The following KIFC3 variants were observed in gnomAD, a reference collection of about 807,000 sequenced individuals.
KIFC3 encodes the protein kinesin family member C3, also known as kinesin-like protein KIFC3.
A neutral mutation model predicts 101.8 loss-of-function variants in KIFC3; 60 were observed. The ratio of observed to expected loss-of-function variants is 0.59; its 90% confidence interval spans 0.48 to 0.73. KIFC3 has a LOEUF of 0.73. KIFC3 is among the 30% of genes least tolerant of loss of function. The pLI, the probability that KIFC3 is intolerant of heterozygous loss-of-function variation, is 0.00. For missense variants in KIFC3, 966 were observed against 1,137.1 expected (o/e 0.85, Z 2.16); for synonymous variants, 476 against 482.7 (o/e 0.99, Z 0.18).
At position 57,758,911 on chromosome 16, in the gene KIFC3, T is replaced by C. The variant is rs1295206874; in HGVS notation, c.*25-2A>G. On this transcript the variant is annotated splice_acceptor_variant, in intron 19 of 19. Transcript: ENST00000445690. LOFTEE classifies it low-confidence loss of function (3UTR_SPLICE). The stretch of plus-strand genomic sequence containing the variant: ...ACACAGGCAGTGGCCGCGACTTCCC[T>C]GCAGGGGCATGAGATCATCAGCCTC... The C allele has an allele frequency of 3.2e-6, 5 of 1,573,196 alleles. No individual in the cohort carries two copies. The African/African-American group carries it at 6.8e-5, about 21-fold the overall frequency.
chr16:57,817,214 C>T (rs542070183), intron 1 of KIFC3, among the ~76,000 whole-genome samples: 1 of 152,056 alleles, frequency 6.6e-6, no homozygotes, highest in Admixed American at 6.6e-5. Flanking sequence ...CAGAAATTAG[C>T]CGGGCATGGT....
At chr16:57,764,741 G>T (rs1304859635) in intron 11 of KIFC3, among the ~76,000 whole-genome samples, 2 of 152,192 alleles carry the variant, frequency 1.3e-5, no homozygotes, top group Admixed American at 1.3e-4. Context: ...TCCTAGGAAG[G>T]CCCAGGGGAC....
At chr16:57,846,469 A>C (rs558017302) in intron 1 of KIFC3, 14 of 152,500 alleles carry the variant, frequency 9.2e-5, no homozygotes, top group African/African-American at 3.4e-4. Context: ...GGCTTGCGGC[A>C]GACACTGGAA....
At chr16:57,773,368 G>A (rs192927920) in intron 3 of KIFC3, among the ~76,000 whole-genome samples, 5 of 152,270 alleles carry the variant, frequency 3.3e-5, no homozygotes, top group African/African-American at 4.8e-5. Flanking sequence ...TTAAGAAGGC[G>A]GCCACCACGT....
chr16:57,763,204 A>T (rs1555599569), intron 12 of KIFC3, among the ~76,000 whole-genome samples: 1 of 152,126 alleles, frequency 6.6e-6, no homozygotes, highest in African/African-American at 2.4e-5. Context: ...GCCTGGCACG[A>T]TGCCTGATAC....
Position 57,761,023 on chromosome 16 carries a change from G to C in KIFC3, c.2002+19C>G, listed in dbSNP as rs373027784. ...TGGGGTTGTGGGGATCCTCAGGCCA[G>C]GCTGCCTGCCACTCTCACCCGTGGT... On this transcript the variant is annotated intron_variant, in intron 15 of 19. Transcript: ENST00000445690. 1.2e-6 allele frequency: 2 copies of C among 1,603,966 alleles called. No individual in the cohort carries two copies. The highest frequency in any genetic ancestry group is 2.2e-5 in the South Asian group (2 of 90,864).
At chr16:57,768,904 C>T (rs898135659) in intron 9 of KIFC3, among the ~76,000 whole-genome samples, 1 of 152,170 alleles carries the variant, frequency 6.6e-6, no homozygotes, top group Non-Finnish European at 1.5e-5. Context: ...TGGTGGCTCA[C>T]ACCAATAATC....
At chr16:57,843,740 A>G (rs911543614) in intron 1 of KIFC3, among the ~76,000 whole-genome samples, 2 of 152,208 alleles carry the variant, frequency 1.3e-5, no homozygotes, top group Non-Finnish European at 2.9e-5. Flanking sequence ...AAAATACTGG[A>G]AATACCTAAA....
intron 1 of KIFC3, among the ~76,000 whole-genome samples, chr16:57,840,917 G>A (rs950958226): frequency 6.6e-6 from 1 of 152,188 alleles, no homozygotes; most frequent in Non-Finnish European, 1.5e-5. Flanking sequence ...CTCACCAGCA[G>A]ATACTAGGCT....
chr16:57,761,550 T>C lies in KIFC3; in HGVS notation c.1749-14A>G, dbSNP rs782556266. On this transcript the variant is annotated splice_polypyrimidine_tract_variant and intron_variant, in intron 13 of 19. Coordinates refer to ENST00000445690, the MANE Select transcript of KIFC3 (RefSeq NM_001130100.2). ...CCTAGCAGGTCCCTGGAGGGGCAGG[T>C]GAGACAGTCACCCCCTCCTCCCATT... 3.1e-5 allele frequency: 50 copies of C among 1,610,424 alleles called. 1 individual carries two copies. In the South Asian group the frequency reaches 4.9e-4, roughly 16 times the overall value.
chr16:57,809,123 C>T (rs1262961012), intron 1 of KIFC3, among the ~76,000 whole-genome samples: 1 of 152,118 alleles, frequency 6.6e-6, no homozygotes, highest in Non-Finnish European at 1.5e-5. Context: ...ACTCCCATCT[C>T]TAAATTTTTT....
At chr16:57,822,312 A>C (rs1313426437) in intron 1 of KIFC3, among the ~76,000 whole-genome samples, 2 of 152,208 alleles carry the variant, frequency 1.3e-5, no homozygotes, top group African/African-American at 4.8e-5. Context: ...GATCATGTAC[A>C]GGAAGATCCT....
At chr16:57,771,010 G>A (rs2051115039) in intron 6 of KIFC3, among the ~76,000 whole-genome samples, 188 bp downstream of exon 6, 1 of 152,226 alleles carries the variant, frequency 6.6e-6, no homozygotes, top group African/African-American at 2.4e-5. Flanking sequence ...TCAGCTGTTG[G>A]ATACCTACTC....
At chr16:57,787,833 G>A (rs1229276002) in intron 3 of KIFC3, among the ~76,000 whole-genome samples, 1 of 152,212 alleles carries the variant, frequency 6.6e-6, no homozygotes, top group Admixed American at 6.5e-5. Flanking sequence ...TCAGAGAAGG[G>A]AGTGGCTCCT....
chr16:57,778,401 C>T (rs534863401), intron 3 of KIFC3, among the ~76,000 whole-genome samples: 17 of 152,276 alleles, frequency 1.1e-4, no homozygotes, highest in Admixed American at 3.3e-4. Flanking sequence ...TTGGATATAA[C>T]ACCAAAAGCA....
chr16:57,770,712 G>A lies in KIFC3; in HGVS notation c.766-12C>T. On this transcript the variant is annotated splice_polypyrimidine_tract_variant and intron_variant, in intron 6 of 19. Coordinates refer to ENST00000445690, the MANE Select transcript of KIFC3 (RefSeq NM_001130100.2). ...GTCTTGATGACATACTGCAGGGTGA[G>A]GGAGGAATGGCACGTGGAGCCAGCG... is the stretch of plus-strand genomic sequence containing the variant. 6.9e-7 allele frequency: 1 copy of A among 1,445,198 alleles called. No homozygotes were observed. The highest frequency in any genetic ancestry group is 2.6e-5 in the East Asian group (1 of 38,954). The allele number at this position is 1,445,198 out of a possible 1,614,324, so 89.5% of individuals were successfully genotyped here.
At chr16:57,779,810 AAAAAAT>A (rs1410458834) in intron 3 of KIFC3, 5 of 152,208 alleles carry the variant, frequency 3.3e-5, no homozygotes, top group African/African-American at 1.2e-4. Context: ...ACTCCATCTC[AAAAAAT>A]AAAAATAAAT....
chr16:57,831,203 C>T (rs1035273560), intron 1 of KIFC3, among the ~76,000 whole-genome samples: 8 of 152,214 alleles, frequency 5.3e-5, no homozygotes, highest in African/African-American at 1.7e-4. Flanking sequence ...GCCATGGAGA[C>T]TCAGCGCTAG....
intron 1 of KIFC3, chr16:57,815,321 TA>T: frequency 1.6e-6 from 1 of 610,724 alleles, no homozygotes; most frequent in Non-Finnish European, 2.2e-6. Context: ...TGCTCATTTG[TA>T]ACCAGAGTAG....
Sources: gnomAD v4.1 joint callset for allele counts (sites outside exome capture counted in the v4.1 genomes callset) on GRCh38, gnomAD v4.1.1 for gene constraint, MANE v1.5 for transcripts, NCBI Gene and HGNC (gene_info 2026-07-23, HGNC 2026-07-21) for gene names.